The following ARHGAP12 variants were observed in gnomAD, a reference collection of about 807,000 sequenced individuals.
ARHGAP12 encodes the protein Rho GTPase activating protein 12, also known as rho GTPase-activating protein 12.
Under a neutral mutation model 108.6 loss-of-function variants are expected in ARHGAP12, and 64 were observed. That is an observed-to-expected ratio of 0.59 (90% confidence interval 0.48 to 0.73). The LOEUF is 0.73. ARHGAP12 is among the 30% of genes least tolerant of loss of function. ARHGAP12 has a pLI of 0.00. For synonymous variants in ARHGAP12, 312 were observed against 337.2 expected (o/e 0.93, Z 0.82); for missense variants, 940 against 1,005.9 (o/e 0.93, Z 0.89).
intron 18 of ARHGAP12, 66 bp downstream of exon 18, chr10:31,808,928 G>T: frequency 1.4e-6 from 2 of 1,452,618 alleles, no homozygotes; most frequent in Non-Finnish European, 1.9e-6. Context: ...AAAAAAAATT[G>T]GGTGGCTTAA....
At chr10:31,829,216 C>T (rs547639995) in intron 10 of ARHGAP12, among the ~76,000 whole-genome samples, 1 of 152,020 alleles carries the variant, frequency 6.6e-6, no homozygotes, top group Non-Finnish European at 1.5e-5. Flanking sequence ...GGACATTATG[C>T]CAAGCAAAAT....
rs1288417117 is a variant in ARHGAP12, at chr10:31,820,445, T to C, written c.1574A>G (p.Lys525Arg). The change falls in exon 12 of 20, where the codon AAG becomes AGG. Residue 525 changes from lysine (K) to arginine (R), a missense_variant. Physicochemically the swap from Lys to Arg is conservative, Grantham distance 26. Transcript: ENST00000344936. Reference protein sequence around the residue: ...QSKPEFTVDLKGATIEMASKD... With the variant: ...QSKPEFTVDLRGATIEMASKD... ...TGAAGCCATCTCAATTGTTGCCCCC[T>C]TGAGGTCCACTGTGAACTCTGGTTT... 1 of 1,612,126 alleles carries C rather than the reference T, an allele frequency of 6.2e-7. No individual in the cohort carries two copies. The highest frequency in any genetic ancestry group is 1.1e-5 in the South Asian group (1 of 90,756).
Position 31,877,739 on chromosome 10 carries a change from T to A in ARHGAP12, c.685-16081A>T, listed in dbSNP as rs180972672. Among the ~76,000 whole-genome samples, 1,010 of 152,300 alleles carry A rather than the reference T, an allele frequency of 6.6e-3. 13 individuals carry two copies. Among genetic ancestry groups the A allele is most frequent in the Non-Finnish European group, 7.0e-3 (474 of 68,008 alleles). On this transcript the variant is annotated intron_variant, in intron 3 of 19. Coordinates refer to ENST00000344936, the MANE Select transcript of ARHGAP12 (RefSeq NM_018287.7). Reference sequence around the variant, plus strand: ...TTAATGAGGTTTTTCAAAATAAGCATAAAATAATGAAAGAAAATCTGACAC... The same window carrying A: ...TTAATGAGGTTTTTCAAAATAAGCAAAAAATAATGAAAGAAAATCTGACAC...
At chr10:31,875,473 C>T (rs1837694741) in intron 3 of ARHGAP12, among the ~76,000 whole-genome samples, 1 of 152,106 alleles carries the variant, frequency 6.6e-6, no homozygotes, top group Non-Finnish European at 1.5e-5. Context: ...CAAGCAAGTT[C>T]TCCAAATTGC....
At chr10:31,842,472 C>G (rs1836305391) in intron 7 of ARHGAP12, among the ~76,000 whole-genome samples, 2 of 152,074 alleles carry the variant, frequency 1.3e-5, no homozygotes, top group South Asian at 4.1e-4. Context: ...AGAAACTGGT[C>G]TGTTACTTTC....
chr10:31,916,851 G>A (rs186716316), intron 1 of ARHGAP12, among the ~76,000 whole-genome samples: 76 of 152,124 alleles, frequency 5.0e-4, no homozygotes, highest in African/African-American at 1.7e-3. Flanking sequence ...TCCTGACCTT[G>A]TGATCCGCCC....
chr10:31,851,095 C>T lies in ARHGAP12; in HGVS notation c.1170+1422G>A, dbSNP rs577660968. Among the ~76,000 whole-genome samples, 4 of 151,970 alleles carry T rather than the reference C, an allele frequency of 2.6e-5. No individual in the cohort carries two copies. In the East Asian group the frequency reaches 5.8e-4, roughly 22 times the overall value. On this transcript the variant is annotated intron_variant, in intron 6 of 19. Coordinates refer to ENST00000344936, the MANE Select transcript of ARHGAP12 (RefSeq NM_018287.7). ...AGTAGTATCTTCTTAACTTTTTATACGGGAGCTCTTATAATTAAAATATAA... is the reference window on the plus strand; with the variant it reads ...AGTAGTATCTTCTTAACTTTTTATATGGGAGCTCTTATAATTAAAATATAA...
chr10:31,905,672 CAAGTCTA>C (rs1271315501), intron 3 of ARHGAP12, among the ~76,000 whole-genome samples: 1 of 152,024 alleles, frequency 6.6e-6, no homozygotes, highest in Admixed American at 6.6e-5. Flanking sequence ...TGACAAACAA[CAAGTCTA>C]AAGCCATATG....
In ARHGAP12 at chr10:31,805,467, T is replaced by A. The variant is rs1834789145; in HGVS notation, c.*2191A>T. The A allele has an allele frequency of 6.6e-6, 1 of 152,186 alleles. No individual in the cohort carries two copies. The allele number at this position is 152,186 out of a possible 1,614,324, so 9.4% of individuals were successfully genotyped here. A position where few individuals can be genotyped will look rare whatever the true frequency, so the allele number is the denominator to read the frequency against. On this transcript the variant is annotated 3_prime_UTR_variant, in exon 20 of 20. Transcript: ENST00000344936. Reference sequence around the variant, plus strand: ...TTCCACTGATAATTTATTTCAGCTTTTAATATATTTTCTACTATAAAACCA... The same window carrying A: ...TTCCACTGATAATTTATTTCAGCTTATAATATATTTTCTACTATAAAACCA...
intron 6 of ARHGAP12, among the ~76,000 whole-genome samples, chr10:31,849,407 T>C (rs1037081694): frequency 6.6e-6 from 1 of 152,212 alleles, no homozygotes; most frequent in Non-Finnish European, 1.5e-5. Context: ...CCATGTCCTA[T>C]GTATTTGCAT....
chr10:31,915,120 C>T (rs1839500197), intron 1 of ARHGAP12, among the ~76,000 whole-genome samples: 1 of 152,228 alleles, frequency 6.6e-6, no homozygotes, highest in East Asian at 1.9e-4. Context: ...GGCGCAGTGG[C>T]TCATGCCTGT....
intron 13 of ARHGAP12, among the ~76,000 whole-genome samples, chr10:31,816,512 A>G (rs569631207): frequency 2.0e-5 from 3 of 152,292 alleles, no homozygotes; most frequent in African/African-American, 7.2e-5. Flanking sequence ...AGGCATTCAC[A>G]TATTTGTTAA....
intron 12 of ARHGAP12, among the ~76,000 whole-genome samples, chr10:31,818,580 T>C (rs952405723): frequency 2.0e-5 from 3 of 152,186 alleles, no homozygotes; most frequent in Non-Finnish European, 1.5e-5. Context: ...CATTTTCCGA[T>C]TAAAAACTGA....
At chr10:31,863,689 C>T (rs561229607) in intron 3 of ARHGAP12, among the ~76,000 whole-genome samples, 4 of 152,078 alleles carry the variant, frequency 2.6e-5, no homozygotes, top group African/African-American at 9.6e-5. Context: ...AGAAATCTAG[C>T]ACTACATTAA....
intron 4 of ARHGAP12, among the ~76,000 whole-genome samples, chr10:31,856,272 A>C (rs1379291585): frequency 6.6e-6 from 1 of 152,100 alleles, no homozygotes; most frequent in African/African-American, 2.4e-5. Flanking sequence ...CAAGCAGAAG[A>C]AAAAAGAGCA....
Position 31,831,737 on chromosome 10 carries a change from A to C in ARHGAP12, c.1448+2T>G. ...AAGAACATTAAAGACTTGTGTACTT[A>C]CCGAACCTTTTTCCCATTTTCAGCA... On this transcript the variant is annotated splice_donor_variant, in intron 10 of 19. Transcript: ENST00000344936. LOFTEE classifies it high-confidence loss of function. 3 of 1,565,354 alleles carry C rather than the reference A, an allele frequency of 1.9e-6. No homozygotes were observed. The highest frequency in any genetic ancestry group is 2.6e-6 in the Non-Finnish European group (3 of 1,139,578).
At chr10:31,827,020 T>A (rs182200745) in intron 10 of ARHGAP12, 1 of 152,232 alleles carries the variant, frequency 6.6e-6, no homozygotes, top group Admixed American at 6.5e-5. Flanking sequence ...CCATTTCTTC[T>A]TCAATCCATA....
At chr10:31,872,322 C>T (rs182624118) in intron 3 of ARHGAP12, among the ~76,000 whole-genome samples, 2 of 152,124 alleles carry the variant, frequency 1.3e-5, no homozygotes, top group African/African-American at 4.8e-5. Flanking sequence ...CCCGAGCTAC[C>T]GACATGTATT....
chr10:31,910,898 A>G (rs1452972656), intron 1 of ARHGAP12, among the ~76,000 whole-genome samples: 1 of 152,248 alleles, frequency 6.6e-6, no homozygotes, highest in African/African-American at 2.4e-5. Flanking sequence ...AACTGTGAGG[A>G]TGAAATAACT....
Sources: gnomAD v4.1 joint callset for allele counts (sites outside exome capture counted in the v4.1 genomes callset) on GRCh38, gnomAD v4.1.1 for gene constraint, MANE v1.5 for transcripts, NCBI Gene and HGNC (gene_info 2026-07-23, HGNC 2026-07-21) for gene names.